SLC12A6: variants seen among roughly 807,000 people sequenced by gnomAD.
SLC12A6 encodes the protein solute carrier family 12 member 6.
A neutral mutation model predicts 135.3 loss-of-function variants in SLC12A6; 66 were observed. The observed-to-expected ratio is 0.49, with a 90% confidence interval of 0.40 to 0.60. The LOEUF (loss-of-function observed/expected upper bound fraction) is 0.60, where lower values mean the gene tolerates loss of function less well. SLC12A6 is among the 20% of genes least tolerant of loss of function. The pLI, the probability that SLC12A6 is intolerant of heterozygous loss-of-function variation, is 0.00. For missense variants in SLC12A6, 1,058 were observed against 1,452.3 expected, an observed-to-expected ratio of 0.73 and a Z score of 4.41; for synonymous variants, 513 against 508.8, an observed-to-expected ratio of 1.01 and a Z score of -0.11.
At chr15:34,293,814 G>A (rs527984786) in intron 2 of SLC12A6, among the ~76,000 whole-genome samples, 17 of 152,308 alleles carry the variant, frequency 1.1e-4, no homozygotes, top group African/African-American at 4.1e-4. Context: ...ATGTTGCCCA[G>A]GCTGGCCACA....
intron 2 of SLC12A6, chr15:34,318,904 TA>T: frequency 3.7e-6 from 4 of 1,089,714 alleles, no homozygotes; most frequent in Non-Finnish European, 5.0e-6. Flanking sequence ...TTAAAAGGAT[TA>T]AGCACTCCAC....
Position 34,233,908 on chromosome 15 carries a change from G to A in SLC12A6, c.3426C>T (p.Gly1142=). The A allele has an allele frequency of 6.2e-7, 1 of 1,601,416 alleles. No homozygotes were observed. The highest frequency in any genetic ancestry group is 8.6e-7 in the Non-Finnish European group (1 of 1,168,420). The change falls in exon 26 of 26, where the codon GGC becomes GGT. Residue 1142 remains glycine (G), a synonymous_variant. Transcript: ENST00000354181. Reference sequence around the variant, plus strand: ...ATGAATAAATGGTGATCACTTCACTGCCACCACCCCGGACAAGTAGGACTC... The same window carrying A: ...ATGAATAAATGGTGATCACTTCACTACCACCACCCCGGACAAGTAGGACTC... The part of the protein sequence containing the change: ...LERVLLVRGG[G]SEVITIYS
rs1333306978 is a variant in SLC12A6 at position 34,231,631 on chromosome 15, C to T, written c.*2250G>A. ...TTGAGATGGAGTCTCCCTCTGTCGC[C>T]CAGGCTGGAGTGCAGTGGTGCAATC... is the stretch of plus-strand genomic sequence containing the variant. On this transcript the variant is annotated 3_prime_UTR_variant, in exon 26 of 26. Coordinates refer to ENST00000354181, the MANE Select transcript of SLC12A6 (RefSeq NM_001365088.1). 4 of 150,406 alleles carry T rather than the reference C, an allele frequency of 2.7e-5. No homozygotes were observed. The highest frequency in any genetic ancestry group is 2.1e-4 in the South Asian group (1 of 4,750). 9.3% of individuals were successfully genotyped at this position (150,406 alleles called of 1,614,324 possible). A position where few individuals can be genotyped will look rare whatever the true frequency, so the allele number is the denominator to read the frequency against.
intron 5 of SLC12A6, among the ~76,000 whole-genome samples, chr15:34,258,489 T>C (rs749899850): frequency 2.6e-5 from 4 of 152,230 alleles, no homozygotes; most frequent in Non-Finnish European, 5.9e-5. Flanking sequence ...GTCCAACCTA[T>C]GTAAGTAGCA....
intron 22 of SLC12A6, chr15:34,237,132 T>C: frequency 2.2e-6 from 1 of 463,936 alleles, no homozygotes; most frequent in Admixed American, 3.4e-5. Context: ...AAGCTGAATA[T>C]ATGAATAAAA....
intron 2 of SLC12A6, among the ~76,000 whole-genome samples, chr15:34,305,896 T>C (rs975640563): frequency 6.6e-6 from 1 of 151,952 alleles, no homozygotes; most frequent in Non-Finnish European, 1.5e-5. Flanking sequence ...TAACTGGGAC[T>C]ACAGGCGCCC....
chr15:34,299,731 G>A (rs1248417208), intron 2 of SLC12A6: 1 of 152,178 alleles, frequency 6.6e-6, no homozygotes, highest in East Asian at 1.9e-4. Flanking sequence ...ATTATATCTG[G>A]TGTGCAGTAT....
intron 2 of SLC12A6, among the ~76,000 whole-genome samples, chr15:34,325,843 G>A (rs78214142): frequency 0.047 from 7,213 of 152,210 alleles, 191 homozygotes; most frequent in Non-Finnish European, 0.061. Context: ...TGCCCAAGGA[G>A]CTCACAGTCT....
chr15:34,235,673 G>A (rs1891213242), intron 24 of SLC12A6, among the ~76,000 whole-genome samples: 1 of 152,008 alleles, frequency 6.6e-6, no homozygotes, highest in Non-Finnish European at 1.5e-5. Context: ...CCTGACCTCA[G>A]GTGATCCACC....
intron 3 of SLC12A6, among the ~76,000 whole-genome samples, chr15:34,267,338 C>T (rs899127403): frequency 2.0e-5 from 3 of 151,926 alleles, no homozygotes; most frequent in African/African-American, 4.8e-5. Context: ...TTATTCACTA[C>T]TCTTTCTTAC....
intron 2 of SLC12A6, among the ~76,000 whole-genome samples, chr15:34,302,197 T>C (rs776681412): frequency 3.3e-5 from 5 of 152,134 alleles, no homozygotes; most frequent in Non-Finnish European, 7.4e-5. Flanking sequence ...TACCAGACAG[T>C]AGATTTAATA....
chr15:34,295,514 T>A (rs1019486503), intron 2 of SLC12A6, among the ~76,000 whole-genome samples: 3 of 152,182 alleles, frequency 2.0e-5, no homozygotes, highest in African/African-American at 7.2e-5. Flanking sequence ...GCTGGGCATA[T>A]TTCTTGGAAT....
intron 2 of SLC12A6, among the ~76,000 whole-genome samples, chr15:34,282,559 C>T (rs1049986192): frequency 2.0e-5 from 3 of 152,028 alleles, no homozygotes; most frequent in Non-Finnish European, 4.4e-5. Context: ...TTGAGGCCAG[C>T]CTGGGCAACA....
intron 5 of SLC12A6, 67 bp downstream of exon 5, chr15:34,258,746 T>C: frequency 7.7e-7 from 1 of 1,304,452 alleles, no homozygotes; most frequent in South Asian, 1.2e-5. Flanking sequence ...AATGGTGCCT[T>C]AGGTATTTCC....
chr15:34,318,868 C>T lies in SLC12A6; in HGVS notation c.271+17542G>A, dbSNP rs1462061157. ...TGAGGGAGTGGGGCGCTTGAAGACA[C>T]GCCTTCCACAGTGTTTATCATTCAC... On this transcript the variant is annotated intron_variant, in intron 2 of 25. Transcript: ENST00000354181. The T allele has an allele frequency of 4.7e-5, 67 of 1,423,334 alleles. No homozygotes were observed. In the Admixed American group the frequency reaches 9.9e-4, roughly 21 times the overall value. 88.2% of individuals were successfully genotyped at this position (1,423,334 alleles called of 1,614,324 possible). A position where few individuals can be genotyped will look rare whatever the true frequency, so the allele number is the denominator to read the frequency against.
intron 2 of SLC12A6, among the ~76,000 whole-genome samples, chr15:34,335,288 A>T (rs1179703024): frequency 6.6e-6 from 1 of 152,236 alleles, no homozygotes; most frequent in African/African-American, 2.4e-5. Flanking sequence ...AAACTTTACC[A>T]AATCTACCTT....
intron 2 of SLC12A6, among the ~76,000 whole-genome samples, chr15:34,291,333 G>GT (rs1253934485): frequency 6.6e-6 from 1 of 152,212 alleles, no homozygotes; most frequent in African/African-American, 2.4e-5. Context: ...GGCTTGTAGG[G>GT]TTTCTGCTGA....
At chr15:34,295,726 C>T (rs1056153490) in intron 2 of SLC12A6, among the ~76,000 whole-genome samples, 3 of 152,040 alleles carry the variant, frequency 2.0e-5, no homozygotes, top group Admixed American at 6.6e-5. Flanking sequence ...AGGCTGGGTG[C>T]GGTGGCTCAC....
intron 4 of SLC12A6, 118 bp from the exon 5 acceptor site, chr15:34,259,062 G>A (rs879020333): frequency 1.5e-5 from 12 of 798,674 alleles, no homozygotes; most frequent in Admixed American, 8.4e-5. Flanking sequence ...CAGGTAGGCC[G>A]GGTGCAGTGG....
Sources: allele counts gnomAD v4.1 joint callset (sites outside exome capture counted in the v4.1 genomes callset), GRCh38; gene constraint gnomAD v4.1.1; transcripts MANE v1.5; gene names NCBI Gene and HGNC (gene_info 2026-07-23, HGNC 2026-07-21).